MAMDC2: variants seen among roughly 807,000 people sequenced by gnomAD.
MAMDC2 encodes the protein MAM domain containing 2, also known as MAM domain-containing protein 2.
A neutral mutation model predicts 89.8 loss-of-function variants in MAMDC2; 57 were observed. The ratio of observed to expected loss-of-function variants is 0.63; its 90% confidence interval spans 0.51 to 0.79. The LOEUF (loss-of-function observed/expected upper bound fraction) is 0.79. Among genes scored for constraint, MAMDC2 ranks in the 30% least tolerant of loss-of-function variants. The probability of loss-of-function intolerance (pLI) is 0.00; values close to 1 mark genes in which losing one functional copy is unlikely to be tolerated. For missense variants in MAMDC2, 800 were observed against 820.6 expected, an observed-to-expected ratio of 0.97 and a Z score of 0.31; for synonymous variants, 313 against 293.4, an observed-to-expected ratio of 1.07 and a Z score of -0.68.
chr9:70,046,816 C>G (rs1196613865), intron 2 of MAMDC2, among the ~76,000 whole-genome samples: 2 of 152,212 alleles, frequency 1.3e-5, no homozygotes, highest in African/African-American at 4.8e-5. Flanking sequence ...TTAATTCATT[C>G]TCCTCTGAGC....
chr9:70,210,628 T>G (rs1171246577), intron 11 of MAMDC2, among the ~76,000 whole-genome samples: 1 of 152,214 alleles, frequency 6.6e-6, no homozygotes, highest in Non-Finnish European at 1.5e-5. Flanking sequence ...ATTTAGCCCA[T>G]TTACATTTAA....
At chr9:70,218,225 T>A in intron 11 of MAMDC2, 112 bp from the exon 12 acceptor site, 1 of 1,182,060 alleles carries the variant, frequency 8.5e-7, no homozygotes, top group Non-Finnish European at 1.2e-6. Context: ...AAACCCTTTA[T>A]CAGTACTTTT....
chr9:70,118,573 G>A (rs527582465), intron 5 of MAMDC2, among the ~76,000 whole-genome samples: 1 of 152,294 alleles, frequency 6.6e-6, no homozygotes, highest in East Asian at 1.9e-4. Context: ...CGCATATATT[G>A]ATTTCCCCGG....
chr9:70,049,281 A>C (rs537760384), intron 2 of MAMDC2, among the ~76,000 whole-genome samples: 1 of 152,032 alleles, frequency 6.6e-6, no homozygotes, highest in South Asian at 2.1e-4. Flanking sequence ...TCTCTCTGAT[A>C]CCCTTTCCTT....
At chr9:70,082,254 G>A (rs921052478) in intron 2 of MAMDC2, among the ~76,000 whole-genome samples, 3 of 152,092 alleles carry the variant, frequency 2.0e-5, no homozygotes, top group Admixed American at 2.0e-4. Context: ...AAATGATATA[G>A]AGAACATGGA....
rs1414680945 is a variant in MAMDC2, at chr9:70,143,736, G to A, written c.1321G>A (p.Glu441Lys). ...CTTTGAAGAGAACCATGTGGTTCAA[G>A]AGAAGATCTGGTCTGTGTTGGAGTC... ...YIFEENHVVQ[E>K]KIWSVLESPR... Residue 441 changes from glutamate to lysine, a missense_variant, in exon 9 of 14, where the codon GAG (glutamate) becomes AAG (lysine). By Grantham distance (56) the Glu-to-Lys change is moderately conservative. Coordinates refer to ENST00000377182, the MANE Select transcript of MAMDC2 (RefSeq NM_153267.5). 6.2e-7 allele frequency: 1 copy of A among 1,614,190 alleles called. No homozygotes were observed. Among genetic ancestry groups the A allele is most frequent in the South Asian group, 1.1e-5 (1 of 91,084 alleles).
chr9:70,129,398 G>A lies in MAMDC2; in HGVS notation c.901-2121G>A, dbSNP rs535226216. ...CCTCCCCAGCCACATGGAACTGTAA[G>A]TCCATTAAACTCTTTTTCCAGTATA... On this transcript the variant is annotated intron_variant, in intron 6 of 13. Transcript: ENST00000377182. Among the ~76,000 whole-genome samples the A allele has an allele frequency of 1.4e-4, 22 of 152,224 alleles. No homozygotes were observed. In the South Asian group the frequency reaches 4.6e-3, roughly 32 times the overall value.
chr9:70,095,473 T>G (rs1828006207), intron 2 of MAMDC2, among the ~76,000 whole-genome samples: 1 of 152,134 alleles, frequency 6.6e-6, no homozygotes, highest in Admixed American at 6.5e-5. Flanking sequence ...TTATTGAGAT[T>G]GATAGAATTT....
intron 8 of MAMDC2, among the ~76,000 whole-genome samples, chr9:70,141,571 T>A (rs2031224887): frequency 6.6e-6 from 1 of 152,180 alleles, no homozygotes; most frequent in Non-Finnish European, 1.5e-5. Flanking sequence ...TGTTTGGACC[T>A]GAGAATTAAA....
chr9:70,099,394 T>A (rs1336019198), intron 2 of MAMDC2, among the ~76,000 whole-genome samples: 1 of 152,210 alleles, frequency 6.6e-6, no homozygotes, highest in African/African-American at 2.4e-5. Flanking sequence ...AAAATAACAC[T>A]CCTTCAAAAT....
chr9:70,225,797 C>T lies in MAMDC2; in HGVS notation c.1959C>T (p.Ala653=). ...GAGTATCAATAAGAAGTGATATTGC[C>T]ATTGATGATGTTAAATTTCAGGCAG... ...IRGVSIRSDI[A]IDDVKFQAGP... is the part of the protein sequence containing the mutation. The change falls in exon 13 of 14, where the codon GCC becomes GCT. Residue 653 remains alanine (A), a synonymous_variant. Transcript: ENST00000377182. The T allele has an allele frequency of 1.2e-6, 2 of 1,610,550 alleles. 1 individual carries two copies. Among genetic ancestry groups the T allele is most frequent in the Middle Eastern group, 3.3e-4 (2 of 6,026 alleles).
chr9:70,106,639 G>A (rs1245327715), intron 2 of MAMDC2, among the ~76,000 whole-genome samples: 2 of 152,194 alleles, frequency 1.3e-5, no homozygotes, highest in Non-Finnish European at 2.9e-5. Flanking sequence ...AGTGAGTGTC[G>A]CCTGTACGTG....
chr9:70,116,697 G>GAA (rs34849432), intron 5 of MAMDC2, among the ~76,000 whole-genome samples: 1,609 of 112,832 alleles, frequency 0.014, 28 homozygotes, highest in Non-Finnish European at 0.017. Flanking sequence ...TTTGGCATTA[G>GAA]AAAAAAAAAA....
intron 11 of MAMDC2, among the ~76,000 whole-genome samples, chr9:70,203,113 G>T (rs1435447685): frequency 1.5e-4 from 23 of 151,196 alleles, no homozygotes; most frequent in East Asian, 5.8e-4. Flanking sequence ...GTTAGCTGGT[G>T]ATTTTGCTCG....
In MAMDC2 at chr9:70,225,692, G is replaced by T. The variant is rs73452745; in HGVS notation, c.1912-58G>T. On this transcript the variant is annotated intron_variant, in intron 12 of 13. Coordinates refer to ENST00000377182, the MANE Select transcript of MAMDC2 (RefSeq NM_153267.5). ...TATTTACAAAGCCTGGATCTGCCCTGACCAGCACTGTAATCAGGATGATTC... is the reference window on the plus strand; with the variant it reads ...TATTTACAAAGCCTGGATCTGCCCTTACCAGCACTGTAATCAGGATGATTC... 2.7e-3 allele frequency: 3,053 copies of T among 1,130,752 alleles called. 58 individuals are homozygous for T. In the African/African-American group the frequency reaches 0.041, roughly 15 times the overall value. 70.0% of individuals were successfully genotyped at this position (1,130,752 alleles called of 1,614,324 possible). A position where few individuals can be genotyped will look rare whatever the true frequency, so the allele number is the denominator to read the frequency against.
chr9:70,221,065 A>C (rs2033546095), intron 12 of MAMDC2, among the ~76,000 whole-genome samples: 2 of 151,974 alleles, frequency 1.3e-5, no homozygotes, highest in Non-Finnish European at 2.9e-5. Context: ...GTTGTTTGAG[A>C]CCAAAATATC....
chr9:70,207,250 T>G (rs2033245902), intron 11 of MAMDC2, among the ~76,000 whole-genome samples: 1 of 152,226 alleles, frequency 6.6e-6, no homozygotes, highest in Non-Finnish European at 1.5e-5. Flanking sequence ...CCACCAGCAG[T>G]GTAAAAGTGT....
Position 70,143,575 on chromosome 9 carries a change from C to T in MAMDC2, c.1160C>T (p.Thr387Ile). The T allele has an allele frequency of 2.5e-6, 4 of 1,614,144 alleles. No homozygotes were observed. Among genetic ancestry groups the T allele is most frequent in the Non-Finnish European group, 3.4e-6 (4 of 1,179,998 alleles). ...GCAGGGTATTACCTGCTAGCCAACACAAAGTTCACATCTCAGCCTGGCTAC... is the reference window on the plus strand; with the variant it reads ...GCAGGGTATTACCTGCTAGCCAACATAAAGTTCACATCTCAGCCTGGCTAC... ...TGLGYYLLAN[T>I]KFTSQPGYIG... Residue 387 changes from threonine to isoleucine, a missense_variant, in exon 9 of 14, where the codon ACA becomes ATA. Transcript: ENST00000377182.
chr9:70,182,967 C>G (rs2032677024), intron 11 of MAMDC2, among the ~76,000 whole-genome samples: 1 of 152,182 alleles, frequency 6.6e-6, no homozygotes, highest in Admixed American at 6.5e-5. Context: ...ATCTTTCCTG[C>G]TTTCTCCTTT....
Sources: gnomAD v4.1 joint callset for allele counts (sites outside exome capture counted in the v4.1 genomes callset) on GRCh38, gnomAD v4.1.1 for gene constraint, MANE v1.5 for transcripts, NCBI Gene and HGNC (gene_info 2026-07-23, HGNC 2026-07-21) for gene names.